Variants in NFATC3 observed in about 807,000 individuals in gnomAD.
NFATC3 encodes nuclear factor of activated T cells 3.
A neutral mutation model predicts 98.6 loss-of-function variants in NFATC3; 46 were observed. The ratio of observed to expected loss-of-function variants is 0.47; its 90% confidence interval spans 0.37 to 0.60. NFATC3 has a LOEUF of 0.60. Among genes scored for constraint, NFATC3 ranks in the 20% least tolerant of loss-of-function variants. NFATC3 has a pLI of 0.00. For missense variants in NFATC3, 1,256 were observed against 1,295.5 expected (o/e 0.97, Z 0.47); for synonymous variants, 512 against 472.2 (o/e 1.08, Z -1.09).
At chr16:68,150,393 C>G (rs1376893789) in intron 3 of NFATC3, among the ~76,000 whole-genome samples, 1 of 146,906 alleles carries the variant, frequency 6.8e-6, no homozygotes, top group African/African-American at 2.5e-5. Flanking sequence ...CCAGGGCAAC[C>G]TAGTGGGACT....
At chr16:68,132,057 C>T (rs1305359973) in intron 3 of NFATC3, among the ~76,000 whole-genome samples, 1 of 152,130 alleles carries the variant, frequency 6.6e-6, no homozygotes, top group East Asian at 1.9e-4. Context: ...TTTTAAATGA[C>T]GTGCTCTCAT....
At chr16:68,196,898 C>T (rs752563656) in intron 9 of NFATC3, among the ~76,000 whole-genome samples, 6 of 151,492 alleles carry the variant, frequency 4.0e-5, no homozygotes, top group South Asian at 4.2e-4. Flanking sequence ...GGTGTGGTGG[C>T]GCATCCCTGT....
At chr16:68,128,467 T>C (rs2036953168) in intron 3 of NFATC3, among the ~76,000 whole-genome samples, 1 of 152,156 alleles carries the variant, frequency 6.6e-6, no homozygotes, top group South Asian at 2.1e-4. Flanking sequence ...TCTATATCTT[T>C]TAGTTTTCAT....
intron 1 of NFATC3, among the ~76,000 whole-genome samples, chr16:68,115,666 C>T (rs187293379): frequency 6.6e-6 from 1 of 152,270 alleles, no homozygotes; most frequent in Non-Finnish European, 1.5e-5. Context: ...CTCAAGTGAT[C>T]TGCCCCCTTT....
chr16:68,105,396 T>G (rs2035599764), intron 1 of NFATC3, among the ~76,000 whole-genome samples: 1 of 151,974 alleles, frequency 6.6e-6, no homozygotes, highest in Non-Finnish European at 1.5e-5. Context: ...ATTGTGTGGA[T>G]TTTTTTTCTT....
intron 9 of NFATC3, chr16:68,192,221 AAAAAAAAAAAT>A (rs1364710760): frequency 2.6e-5 from 2 of 76,942 alleles, no homozygotes; most frequent in African/African-American, 9.1e-5. Context: ...AAAAAAAAAA[AAAAAAAAAAAT>A]ATATATATAT....
chr16:68,162,961 G>T (rs865803416), intron 4 of NFATC3, among the ~76,000 whole-genome samples: 5 of 151,486 alleles, frequency 3.3e-5, no homozygotes, highest in Non-Finnish European at 7.4e-5. Context: ...CAACGAGCAC[G>T]CTGCCTTCAA....
intron 6 of NFATC3, among the ~76,000 whole-genome samples, chr16:68,177,032 C>CTTTTTT (rs548092276): frequency 1.7e-4 from 22 of 133,088 alleles, no homozygotes; most frequent in Non-Finnish European, 2.7e-4. Flanking sequence ...CTTTTCTTTT[C>CTTTTTT]TTTTTTTTTT....
intron 9 of NFATC3, among the ~76,000 whole-genome samples, chr16:68,201,383 C>T (rs955324091): frequency 3.9e-5 from 6 of 151,920 alleles, no homozygotes; most frequent in African/African-American, 1.5e-4. Context: ...AGGCACACAC[C>T]ACAGTGCCTA....
At chr16:68,225,695 G>A (rs945766581) in intron 9 of NFATC3, 2 of 152,176 alleles carry the variant, frequency 1.3e-5, no homozygotes, top group African/African-American at 2.4e-5. Flanking sequence ...CTCTTTAGTT[G>A]ATAAGGCAAG....
intron 8 of NFATC3, among the ~76,000 whole-genome samples, chr16:68,189,614 A>G (rs1369042827): frequency 6.6e-6 from 1 of 152,168 alleles, no homozygotes. Flanking sequence ...CGTCTTAGCA[A>G]TATTAAGTCT....
At chr16:68,172,450 C>G (rs1055121372) in intron 5 of NFATC3, among the ~76,000 whole-genome samples, 1 of 152,082 alleles carries the variant, frequency 6.6e-6, no homozygotes, top group South Asian at 2.1e-4. Flanking sequence ...ACCTAGGTAT[C>G]TAGGTATTTG....
chr16:68,219,912 A>G (rs1295569520), intron 9 of NFATC3, among the ~76,000 whole-genome samples: 1 of 152,228 alleles, frequency 6.6e-6, no homozygotes, highest in Non-Finnish European at 1.5e-5. Context: ...ATTCTTAAGC[A>G]TGGGAAATAG....
chr16:68,148,768 G>A (rs1390764899), intron 3 of NFATC3, among the ~76,000 whole-genome samples: 1 of 152,220 alleles, frequency 6.6e-6, no homozygotes, highest in Non-Finnish European at 1.5e-5. Context: ...AGCACCTTAG[G>A]AGGTTGAGGC....
At chr16:68,221,170 T>G in intron 9 of NFATC3, 1 of 1,608,836 alleles carries the variant, frequency 6.2e-7, no homozygotes, top group African/African-American at 1.3e-5. Flanking sequence ...AGATTGCTAA[T>G]GACTTACATT....
At position 68,122,954 on chromosome 16, in the gene NFATC3, G is replaced by A. The variant is rs780619957; in HGVS notation, c.1071G>A (p.Leu357=). The change falls in exon 2 of 10, where the codon CTG becomes CTA. Residue 357 remains leucine (L), a synonymous_variant. Transcript: ENST00000346183. Reference sequence around the variant, plus strand: ...CCATACTACCAGGAAAATTAGAGCTGTGTTCAGATGACCAAGGGAGTTTAT... The same window carrying A: ...CCATACTACCAGGAAAATTAGAGCTATGTTCAGATGACCAAGGGAGTTTAT... The part of the protein sequence containing the change: ...QAAILPGKLE[L]CSDDQGSLSP... The A allele has an allele frequency of 6.2e-7, 1 of 1,614,178 alleles. No individual in the cohort carries two copies. The highest frequency in any genetic ancestry group is 1.1e-5 in the South Asian group (1 of 91,086).
chr16:68,150,678 T>C (rs1291855807), intron 3 of NFATC3, among the ~76,000 whole-genome samples: 1 of 152,112 alleles, frequency 6.6e-6, no homozygotes, highest in African/African-American at 2.4e-5. Flanking sequence ...ATAAACTAAA[T>C]TATAGTTGAT....
At chr16:68,224,176 A>C (rs2041964973) in intron 9 of NFATC3, among the ~76,000 whole-genome samples, 1 of 150,234 alleles carries the variant, frequency 6.7e-6, no homozygotes, top group Non-Finnish European at 1.5e-5. Flanking sequence ...TTAGCTCACC[A>C]GTATTGATTA....
intron 9 of NFATC3, among the ~76,000 whole-genome samples, chr16:68,213,466 A>G (rs2041505678): frequency 6.6e-6 from 1 of 151,540 alleles, no homozygotes; most frequent in African/African-American, 2.4e-5. Flanking sequence ...AAATTAAAAA[A>G]AAAATACTAG....
Sources: allele counts gnomAD v4.1 joint callset (sites outside exome capture counted in the v4.1 genomes callset), GRCh38; gene constraint gnomAD v4.1.1; transcripts MANE v1.5; gene names NCBI Gene and HGNC (gene_info 2026-07-23, HGNC 2026-07-21).